PCGF6: variants seen among roughly 807,000 people sequenced by gnomAD.
PCGF6 encodes the protein polycomb group ring finger 6.
A neutral mutation model predicts 45.5 loss-of-function variants in PCGF6; 24 were observed. That is an observed-to-expected ratio of 0.53 (90% confidence interval 0.38 to 0.74). The LOEUF is 0.74. Among genes scored for constraint, PCGF6 ranks in the 30% least tolerant of loss-of-function variants. PCGF6 has a pLI of 0.00. For synonymous variants in PCGF6, 152 were observed against 162.1 expected, an observed-to-expected ratio of 0.94 and a Z score of 0.47; for missense variants, 356 against 443.2, an observed-to-expected ratio of 0.80 and a Z score of 1.77.
chr10:103,344,564 A>G (rs2093292566), intron 6 of PCGF6, among the ~76,000 whole-genome samples: 1 of 148,106 alleles, frequency 6.8e-6, no homozygotes, highest in Admixed American at 6.8e-5. Flanking sequence ...CACCATGCCC[A>G]GCCTTTTTTT....
chr10:103,302,896 C>T lies in PCGF6; in HGVS notation c.*1009G>A, dbSNP rs1303672390. On this transcript the variant is annotated 3_prime_UTR_variant, in exon 10 of 10. Transcript: ENST00000369847. ...AATCTTTTTCCAATTTTGTAGTAGT[C>T]TCTACACATTCAGAAATTCTGCTGT... is the stretch of plus-strand genomic sequence containing the variant. The T allele has an allele frequency of 1.3e-5, 2 of 152,142 alleles. No homozygotes were observed. Among genetic ancestry groups the T allele is most frequent in the Non-Finnish European group, 2.9e-5 (2 of 68,026 alleles). The allele number at this position is 152,142 out of a possible 1,614,324, so 9.4% of individuals were successfully genotyped here. A position where few individuals can be genotyped will look rare whatever the true frequency, so the allele number is the denominator to read the frequency against.
chr10:103,308,318 T>C (rs2093144764), intron 9 of PCGF6, among the ~76,000 whole-genome samples: 1 of 151,798 alleles, frequency 6.6e-6, no homozygotes, highest in Non-Finnish European at 1.5e-5. Context: ...GTCACAGAGG[T>C]GGAGCTGCTC....
At chr10:103,331,390 T>G (rs1412742718) in intron 7 of PCGF6, among the ~76,000 whole-genome samples, 3 of 152,092 alleles carry the variant, frequency 2.0e-5, no homozygotes. Flanking sequence ...CCCAAGTAGC[T>G]GGGATTATAG....
chr10:103,326,363 T>C (rs866363762), intron 8 of PCGF6, among the ~76,000 whole-genome samples, 171 bp downstream of exon 8: 2 of 133,588 alleles, frequency 1.5e-5, no homozygotes, highest in South Asian at 2.3e-4. Flanking sequence ...CACTCCAGCC[T>C]GGGCGACAGA....
chr10:103,329,425 T>C (rs2093231705), intron 7 of PCGF6, among the ~76,000 whole-genome samples: 1 of 152,110 alleles, frequency 6.6e-6, no homozygotes, highest in Admixed American at 6.6e-5. Context: ...AAAGATTTCA[T>C]GAAAAAAATA....
rs117127192 is a variant in PCGF6, at chr10:103,333,814, C to T, written c.810+111G>A. The T allele has an allele frequency of 3.1e-4, 218 of 703,910 alleles. 2 individuals carry two copies. In the East Asian group the frequency reaches 6.5e-3, roughly 21 times the overall value. The allele number at this position is 703,910 out of a possible 1,614,324, so 43.6% of individuals were successfully genotyped here. On this transcript the variant is annotated intron_variant, in intron 7 of 9. Transcript: ENST00000369847. ...TAAATCTATAATATTATTAAATGTA[C>T]TTCATATTTAAATAACTTATTTATA...
intron 9 of PCGF6, among the ~76,000 whole-genome samples, chr10:103,312,122 G>T (rs893917359): frequency 7.1e-6 from 1 of 141,550 alleles, no homozygotes; most frequent in Non-Finnish European, 1.5e-5. Context: ...GGTTGGGCAT[G>T]GTGGCTCACG....
intron 8 of PCGF6, among the ~76,000 whole-genome samples, chr10:103,326,042 G>T (rs1475637874): frequency 1.3e-5 from 2 of 151,626 alleles, no homozygotes; most frequent in African/African-American, 2.4e-5. Context: ...AAAAAGAAAT[G>T]GACAGTAAAT....
chr10:103,316,967 T>C (rs142803954), intron 8 of PCGF6, among the ~76,000 whole-genome samples: 143 of 152,272 alleles, frequency 9.4e-4, no homozygotes, highest in African/African-American at 2.8e-3. Flanking sequence ...CTTAGATCCA[T>C]AAAAAGTTAA....
At chr10:103,337,686 G>C (rs1436606456) in intron 6 of PCGF6, among the ~76,000 whole-genome samples, 2 of 152,110 alleles carry the variant, frequency 1.3e-5, no homozygotes, top group Admixed American at 6.6e-5. Flanking sequence ...CCAGCACTTT[G>C]GGAGGTCGAG....
intron 5 of PCGF6, among the ~76,000 whole-genome samples, chr10:103,346,639 T>C (rs1260018774): frequency 1.3e-5 from 2 of 151,228 alleles, no homozygotes; most frequent in Non-Finnish European, 2.9e-5. Context: ...TAAATAAAAA[T>C]ACAAAATTAG....
At chr10:103,344,485 G>A (rs1016919816) in intron 6 of PCGF6, among the ~76,000 whole-genome samples, 2 of 151,660 alleles carry the variant, frequency 1.3e-5, no homozygotes, top group East Asian at 3.9e-4. Flanking sequence ...GGTCAGGCTG[G>A]TCTTGAAATC....
intron 9 of PCGF6, among the ~76,000 whole-genome samples, chr10:103,313,906 T>C (rs1345693257): frequency 6.6e-6 from 1 of 152,216 alleles, no homozygotes; most frequent in Non-Finnish European, 1.5e-5. Context: ...GGAAGTTATA[T>C]GTCCTTACTG....
chr10:103,310,136 GA>G (rs2093151836), intron 9 of PCGF6, among the ~76,000 whole-genome samples: 1 of 151,770 alleles, frequency 6.6e-6, no homozygotes, highest in African/African-American at 2.4e-5. Flanking sequence ...ATTTTTAGTA[GA>G]GATGGGGTTT....
chr10:103,317,534 T>C (rs1324340884), intron 8 of PCGF6, among the ~76,000 whole-genome samples: 1 of 152,056 alleles, frequency 6.6e-6, no homozygotes, highest in East Asian at 1.9e-4. Context: ...TCTATAATCT[T>C]AGCTGCTTGG....
intron 9 of PCGF6, among the ~76,000 whole-genome samples, chr10:103,305,411 C>T (rs1564721121): frequency 6.6e-6 from 1 of 151,990 alleles, no homozygotes; most frequent in Non-Finnish European, 1.5e-5. Context: ...GCTGGAACGA[C>T]AGGGGCCCGC....
chr10:103,326,347 C>T (rs1181470449), intron 8 of PCGF6, among the ~76,000 whole-genome samples, 187 bp downstream of exon 8: 1 of 150,090 alleles, frequency 6.7e-6, no homozygotes, highest in Non-Finnish European at 1.5e-5. Context: ...TGAGATCGTG[C>T]CACTGCACTC....
At chr10:103,333,150 T>C (rs949077090) in intron 7 of PCGF6, among the ~76,000 whole-genome samples, 8 of 150,968 alleles carry the variant, frequency 5.3e-5, no homozygotes, top group Admixed American at 4.7e-4. Flanking sequence ...CATGAGGACT[T>C]AAAACTGCAT....
chr10:103,323,626 CTT>C (rs1446741077), intron 8 of PCGF6, among the ~76,000 whole-genome samples: 1 of 148,978 alleles, frequency 6.7e-6, no homozygotes, highest in South Asian at 2.1e-4. Flanking sequence ...GAGTCTCCCT[CTT>C]GTCGCCCAGG....
Sources: gnomAD v4.1 joint callset for allele counts (sites outside exome capture counted in the v4.1 genomes callset) on GRCh38, gnomAD v4.1.1 for gene constraint, MANE v1.5 for transcripts, NCBI Gene and HGNC (gene_info 2026-07-23, HGNC 2026-07-21) for gene names.